The following DCX variants were observed in gnomAD, a reference collection of about 807,000 sequenced individuals.
DCX encodes neuronal migration protein doublecortin.
DCX carries 4 observed loss-of-function variants against 20.9 expected under a neutral mutation model. The observed-to-expected ratio is 0.19, with a 90% CI of 0.09 to 0.44. The LOEUF (loss-of-function observed/expected upper bound fraction) is 0.44. Among genes scored for constraint, DCX ranks in the 20% least tolerant of loss-of-function variants. The pLI is 0.99. For synonymous variants in DCX, 103 were observed against 111.4 expected, an observed-to-expected ratio of 0.92 and a Z score of 0.47; for missense variants, 133 against 296.9, an observed-to-expected ratio of 0.45 and a Z score of 4.06.
chrX:111,323,974 G>A (rs141491920), intron 5 of DCX, among the ~76,000 whole-genome samples: 1,884 of 111,671 alleles, frequency 0.017, 45 homozygotes, highest in African/African-American at 0.058. Flanking sequence ...AGCACACAGT[G>A]GGTATGCAGG....
At chrX:111,327,725 C>T (rs1013358756) in intron 5 of DCX, among the ~76,000 whole-genome samples, 10 of 112,133 alleles carry the variant, frequency 8.9e-5, no homozygotes, top group African/African-American at 2.6e-4. Context: ...CCAATCTCCT[C>T]GTCCCAGCTT....
At chrX:111,317,972 G>A (rs1187845875) in intron 5 of DCX, among the ~76,000 whole-genome samples, 2 of 109,851 alleles carry the variant, frequency 1.8e-5, no homozygotes, top group African/African-American at 3.3e-5. Flanking sequence ...TGATCACAAG[G>A]TCAGGAGTTC....
rs34206475 is a variant in DCX, at chrX:111,407,802, G to GCACACACA, written c.364+2225_364+2232dup. On this transcript the variant is annotated intron_variant, in intron 2 of 6. Transcript: ENST00000636035. The stretch of plus-strand genomic sequence containing the variant: ...CCAGCCCCTCGTGATACATCAATAC[G>GCACACACA]CACACACACACACACACACACACAC... 5.5e-3 allele frequency among the ~76,000 whole-genome samples: 496 copies of GCACACACA among 90,266 alleles called. 3 individuals are homozygous for GCACACACA. The highest frequency in any genetic ancestry group is 0.015 in the African/African-American group (388 of 25,172). 78.4% of individuals were successfully genotyped at this position (90,266 alleles called of 115,157 possible).
At chrX:111,324,458 G>A (rs773655155) in intron 5 of DCX, among the ~76,000 whole-genome samples, 7 of 111,608 alleles carry the variant, frequency 6.3e-5, no homozygotes. Context: ...TGGCATTAAT[G>A]GTTCAGTGGT....
intron 1 of DCX, 73 bp from the exon 2 acceptor site, chrX:111,410,493 G>A: frequency 8.6e-7 from 1 of 1,164,148 alleles, no homozygotes; most frequent in South Asian, 1.8e-5. Flanking sequence ...GAAAAAAGAA[G>A]GGATTTTAAA....
intron 3 of DCX, among the ~76,000 whole-genome samples, chrX:111,343,583 A>G (rs777613487): frequency 8.9e-6 from 1 of 112,044 alleles, no homozygotes; most frequent in African/African-American, 3.2e-5. Flanking sequence ...ACCTCATTTC[A>G]TGAAGCCAGC....
At chrX:111,335,991 A>C (rs1461393662) in intron 3 of DCX, among the ~76,000 whole-genome samples, 1 of 111,786 alleles carries the variant, frequency 8.9e-6, no homozygotes, top group Non-Finnish European at 1.9e-5. Context: ...TCAATAATTA[A>C]ATTAGTTCAA....
At position 111,295,442 on chromosome X, in the gene DCX, C is replaced by T. The variant is rs1025757824; in HGVS notation, c.*6245G>A. ...TAAATTATCTTTTCATTTAAATCAACTCCGATTGCCTACCAGTTTAGTTAA... is the reference window on the plus strand; with the variant it reads ...TAAATTATCTTTTCATTTAAATCAATTCCGATTGCCTACCAGTTTAGTTAA... On this transcript the variant is annotated 3_prime_UTR_variant, in exon 7 of 7. Coordinates refer to ENST00000636035, the MANE Select transcript of DCX (RefSeq NM_001195553.2). 2.7e-5 allele frequency: 3 copies of T among 112,023 alleles called. No individual in the cohort carries two copies. Among genetic ancestry groups the T allele is most frequent in the African/African-American group, 6.5e-5 (2 of 30,672 alleles). The allele number at this position is 112,023 out of a possible 1,213,427, so 9.2% of individuals were successfully genotyped here. A position where few individuals can be genotyped will look rare whatever the true frequency, so the allele number is the denominator to read the frequency against.
chrX:111,319,185 A>G (rs1264289555), intron 5 of DCX, among the ~76,000 whole-genome samples: 2 of 111,925 alleles, frequency 1.8e-5, no homozygotes, highest in Non-Finnish European at 3.8e-5. Flanking sequence ...TTTTAAGCTG[A>G]AAGTGATATG....
chrX:111,397,746 G>A (rs941472334), intron 3 of DCX, among the ~76,000 whole-genome samples: 1 of 111,310 alleles, frequency 9.0e-6, no homozygotes, highest in African/African-American at 3.3e-5. Context: ...ATTTTCTAGT[G>A]CACTCTGTGC....
chrX:111,316,470 T>C (rs1462695109), intron 5 of DCX, among the ~76,000 whole-genome samples: 2 of 110,936 alleles, frequency 1.8e-5, no homozygotes, highest in Non-Finnish European at 3.8e-5. Flanking sequence ...GACCTCATGA[T>C]CCTCCTGCCT....
intron 3 of DCX, among the ~76,000 whole-genome samples, chrX:111,370,807 A>G (rs2147708967): frequency 9.0e-6 from 1 of 110,707 alleles, no homozygotes; most frequent in East Asian, 2.8e-4. Context: ...CATGTTCCCT[A>G]CTCCAGGCTA....
chrX:111,363,352 T>C (rs1924363415), intron 3 of DCX, among the ~76,000 whole-genome samples: 1 of 110,349 alleles, frequency 9.1e-6, no homozygotes, highest in Non-Finnish European at 1.9e-5. Flanking sequence ...ACAAACAACA[T>C]GTTGGTAGCA....
chrX:111,322,210 G>A (rs2095088212), intron 5 of DCX, among the ~76,000 whole-genome samples: 1 of 111,674 alleles, frequency 9.0e-6, no homozygotes, highest in Non-Finnish European at 1.9e-5. Flanking sequence ...GGTATTACTA[G>A]TCTCCTTTCA....
chrX:111,383,374 C>G (rs1926130341), intron 3 of DCX, among the ~76,000 whole-genome samples: 1 of 111,678 alleles, frequency 9.0e-6, no homozygotes, highest in Non-Finnish European at 1.9e-5. Context: ...TATATCCTAG[C>G]TTTTGAAATG....
chrX:111,392,149 C>G (rs1302325493), intron 3 of DCX, among the ~76,000 whole-genome samples: 1 of 111,179 alleles, frequency 9.0e-6, no homozygotes, highest in African/African-American at 3.3e-5. Context: ...GGAAAGAACT[C>G]TGGGGGACAA....
intron 3 of DCX, among the ~76,000 whole-genome samples, chrX:111,358,726 GA>G (rs1343932203): frequency 1.8e-5 from 2 of 111,633 alleles, no homozygotes; most frequent in Non-Finnish European, 3.8e-5. Context: ...TCCCAGAAAC[GA>G]GCTTTAAAAT....
At chrX:111,405,239 C>G (rs1444909872) in intron 2 of DCX, among the ~76,000 whole-genome samples, 1 of 112,066 alleles carries the variant, frequency 8.9e-6, no homozygotes, top group African/African-American at 3.2e-5. Context: ...CTCCTCTTCT[C>G]CAGGGCTTCC....
intron 6 of DCX, among the ~76,000 whole-genome samples, chrX:111,307,619 A>G (rs1342495809): frequency 8.9e-6 from 1 of 111,799 alleles, no homozygotes; most frequent in Non-Finnish European, 1.9e-5. Flanking sequence ...TTCTAGTTCC[A>G]AAATTCTATA....
Sources: gnomAD v4.1 joint callset for allele counts (sites outside exome capture counted in the v4.1 genomes callset) on GRCh38, gnomAD v4.1.1 for gene constraint, MANE v1.5 for transcripts, NCBI Gene and HGNC (gene_info 2026-07-23, HGNC 2026-07-21) for gene names.